RAD21: variants seen among roughly 807,000 people sequenced by gnomAD.
The protein encoded by RAD21 is RAD21 cohesin complex component, also known as double-strand-break repair protein rad21 homolog.
Under a neutral mutation model 71.5 loss-of-function variants are expected in RAD21, and 18 were observed. That is an observed-to-expected ratio of 0.25 (90% CI 0.17 to 0.37). The LOEUF (loss-of-function observed/expected upper bound fraction) is 0.37, where lower values mean the gene tolerates loss of function less well. Among genes scored for constraint, RAD21 ranks in the 10% least tolerant of loss-of-function variants. The pLI is 1.00. For missense variants in RAD21, 493 were observed against 769.1 expected (o/e 0.64, Z 4.25); for synonymous variants, 248 against 254.0 (o/e 0.98, Z 0.22).
At chr8:116,863,464 C>T (rs1465798992) in intron 2 of RAD21, among the ~76,000 whole-genome samples, 1 of 152,070 alleles carries the variant, frequency 6.6e-6, no homozygotes, top group East Asian at 1.9e-4. Context: ...AGCTAGGAAG[C>T]AAGCACTAAA....
chr8:116,859,000 A>T (rs1812528634), intron 4 of RAD21, among the ~76,000 whole-genome samples: 1 of 151,974 alleles, frequency 6.6e-6, no homozygotes, highest in Non-Finnish European at 1.5e-5. Context: ...GAAAAAAAAA[A>T]TAGGAGGCGG....
At chr8:116,858,990 GA>G (rs906086195) in intron 4 of RAD21, among the ~76,000 whole-genome samples, 13 of 142,122 alleles carry the variant, frequency 9.1e-5, no homozygotes, top group East Asian at 2.1e-4. Flanking sequence ...AGATGGCAAG[GA>G]AAAAAAAAAT....
chr8:116,857,040 T>C (rs1278856080), intron 6 of RAD21, among the ~76,000 whole-genome samples: 1 of 152,144 alleles, frequency 6.6e-6, no homozygotes, highest in Non-Finnish European at 1.5e-5. Flanking sequence ...AACAGAACAG[T>C]TTTAAGTACT....
chr8:116,869,993 A>C (rs911943103), intron 1 of RAD21, among the ~76,000 whole-genome samples: 1 of 152,210 alleles, frequency 6.6e-6, no homozygotes, highest in African/African-American at 2.4e-5. Context: ...CAGATTTCTT[A>C]CATGTCAAAA....
At chr8:116,849,382 T>C (rs1812307516) in intron 12 of RAD21, 2 of 225,552 alleles carry the variant, frequency 8.9e-6, no homozygotes, top group African/African-American at 2.3e-5. Context: ...AGGATATAAA[T>C]CAACTGTACC....
rs1812299782 is a variant in RAD21, at chr8:116,849,000, A to T, written c.1650T>A (p.Asp550Glu). The T allele has an allele frequency of 6.2e-7, 1 of 1,601,222 alleles. No individual in the cohort carries two copies. The highest frequency in any genetic ancestry group is 1.3e-5 in the African/African-American group (1 of 74,170). The change falls in exon 13 of 14, where the codon GAT becomes GAA. Residue 550 changes from aspartate to glutamate, a missense_variant. Physicochemically the swap from Asp to Glu is conservative, Grantham distance 45. Around this residue, in one of 5 missense-constraint regions of RAD21, gnomAD observed 225 missense variants for 218.3 expected, o/e 1.03. Transcript: ENST00000297338. Reference protein sequence around the residue: ...EDEDASGGDQDQEERRWNKRT... With the variant: ...EDEDASGGDQEQEERRWNKRT... ...TTTTGTTCCATCTTCTTTCTTCCTG[A>T]TCTTGATCGCCCCCTGATGCATCTT...
At position 116,856,253 on chromosome 8, in the gene RAD21, C is replaced by T. The variant is rs760261220; in HGVS notation, c.850G>A (p.Val284Ile). 8.4e-6 allele frequency: 13 copies of T among 1,547,662 alleles called. No individual in the cohort carries two copies. The highest frequency in any genetic ancestry group is 8.2e-5 in the South Asian group (7 of 85,884). Residue 284 changes from valine (V) to isoleucine (I), a missense_variant, in exon 8 of 14, where the codon GTT becomes ATT. Transcript: ENST00000297338. Reference sequence around the variant, plus strand: ...TCAGTCATGGTTGGCATTGGTTCAACGGGATCCACTGAATCAGGACTATCA... The same window carrying T: ...TCAGTCATGGTTGGCATTGGTTCAATGGGATCCACTGAATCAGGACTATCA... ...GPDSPDSVDP[V>I]EPMPTMTDQT...
At chr8:116,866,840 T>G (rs1812704534) in intron 1 of RAD21, 79 bp from the exon 2 acceptor site, 2 of 1,000,598 alleles carry the variant, frequency 2.0e-6, no homozygotes, top group Non-Finnish European at 2.6e-6. Flanking sequence ...ATTTAAAATT[T>G]TTCTTCTCTC....
Position 116,852,531 on chromosome 8 carries a change from T to C in RAD21, c.1321+18A>G. The stretch of plus-strand genomic sequence containing the variant: ...ACTCATGTGAACTTCATCAAGGAAC[T>C]ATTCCAACAGAACAAACCGATAACA... On this transcript the variant is annotated intron_variant, in intron 10 of 13. Transcript: ENST00000297338. The C allele has an allele frequency of 1.9e-6, 3 of 1,583,816 alleles. No homozygotes were observed. The highest frequency in any genetic ancestry group is 2.6e-6 in the Non-Finnish European group (3 of 1,165,006).
chr8:116,866,285 TA>T (rs1404767012), intron 2 of RAD21, among the ~76,000 whole-genome samples: 1 of 145,650 alleles, frequency 6.9e-6, no homozygotes, highest in East Asian at 2.1e-4. Context: ...GGGTCTCAAA[TA>T]AAAGCTCCTC....
chr8:116,859,666 G>A (rs11988890), intron 4 of RAD21, among the ~76,000 whole-genome samples: 3,187 of 142,502 alleles, frequency 0.022, 111 homozygotes, highest in African/African-American at 0.077. Flanking sequence ...CCCCACCCCC[G>A]CAATGTTTCT....
At chr8:116,848,660 T>C (rs373885386) in intron 13 of RAD21, among the ~76,000 whole-genome samples, 2 of 152,052 alleles carry the variant, frequency 1.3e-5, no homozygotes, top group African/African-American at 4.8e-5. Flanking sequence ...TATGTCACCA[T>C]GGTTCTGCTT....
At chr8:116,869,462 G>A (rs1372026797) in intron 1 of RAD21, among the ~76,000 whole-genome samples, 2 of 152,152 alleles carry the variant, frequency 1.3e-5, no homozygotes, top group Admixed American at 6.5e-5. Flanking sequence ...GCATGTGCCC[G>A]TAATCCCAGC....
intron 2 of RAD21, among the ~76,000 whole-genome samples, chr8:116,864,168 C>G (rs1420816014): frequency 6.6e-6 from 1 of 151,854 alleles, no homozygotes; most frequent in Non-Finnish European, 1.5e-5. Flanking sequence ...AGATAAGACT[C>G]CATCTAAACA....
intron 7 of RAD21, 150 bp downstream of exon 7, chr8:116,856,496 T>C: frequency 1.6e-6 from 2 of 1,222,000 alleles, no homozygotes; most frequent in Non-Finnish European, 2.2e-6. Context: ...AGATTAAACA[T>C]AGAATCAGAA....
At chr8:116,870,338 T>A (rs965071724) in intron 1 of RAD21, among the ~76,000 whole-genome samples, 2 of 152,006 alleles carry the variant, frequency 1.3e-5, no homozygotes, top group African/African-American at 4.8e-5. Context: ...ACCACCCTGG[T>A]CAATATAGCA....
intron 1 of RAD21, among the ~76,000 whole-genome samples, chr8:116,873,531 C>G (rs932131757): frequency 2.6e-5 from 4 of 151,332 alleles, no homozygotes; most frequent in Non-Finnish European, 4.4e-5. Flanking sequence ...TGCCTGAAAA[C>G]CAATTACTCT....
At chr8:116,867,118 A>C (rs1812712751) in intron 1 of RAD21, 1 of 155,298 alleles carries the variant, frequency 6.4e-6, no homozygotes, top group Admixed American at 6.5e-5. Context: ...ATCTATGAAG[A>C]AAGATACTCA....
At chr8:116,864,470 C>G (rs1183599705) in intron 2 of RAD21, among the ~76,000 whole-genome samples, 17 of 151,972 alleles carry the variant, frequency 1.1e-4, no homozygotes, top group Admixed American at 1.1e-3. Context: ...TGACTTACAG[C>G]ATAAATGATG....
Sources: gnomAD v4.1 joint callset for allele counts (sites outside exome capture counted in the v4.1 genomes callset) on GRCh38, gnomAD v4.1.1 for gene constraint, gnomAD v4.1.1 regional missense constraint, MANE v1.5 for transcripts, NCBI Gene and HGNC (gene_info 2026-07-23, HGNC 2026-07-21) for gene names.